SMYD3: variants seen among roughly 807,000 people sequenced by gnomAD.
SMYD3 encodes the protein SET and MYND domain containing 3, also known as histone-lysine N-methyltransferase SMYD3.
A neutral mutation model predicts 57.7 loss-of-function variants in SMYD3; 36 were observed. The ratio of observed to expected loss-of-function variants is 0.62; its 90% CI spans 0.48 to 0.82. The LOEUF (loss-of-function observed/expected upper bound fraction) is 0.82, where lower values mean the gene tolerates loss of function less well. SMYD3 is among the 40% of genes least tolerant of loss of function. The pLI is 0.00. For synonymous variants in SMYD3, 211 were observed against 195.0 expected (o/e 1.08, Z -0.68); for missense variants, 515 against 538.8 (o/e 0.96, Z 0.44).
intron 1 of SMYD3, among the ~76,000 whole-genome samples, chr1:246,445,198 T>C (rs2067534089): frequency 6.6e-6 from 1 of 152,382 alleles, no homozygotes; most frequent in Non-Finnish European, 1.5e-5. Flanking sequence ...AGAGTTTTAC[T>C]TAATAAAATA....
intron 5 of SMYD3, among the ~76,000 whole-genome samples, chr1:245,994,285 A>C (rs1429460855): frequency 1.3e-5 from 2 of 152,112 alleles, no homozygotes; most frequent in Non-Finnish European, 2.9e-5. Flanking sequence ...TATGGTTCTC[A>C]TTATTTACAC....
chr1:246,129,499 CT>C (rs1368776790), intron 5 of SMYD3, among the ~76,000 whole-genome samples: 1 of 152,020 alleles, frequency 6.6e-6, no homozygotes, highest in Non-Finnish European at 1.5e-5. Context: ...GTGAAACTAT[CT>C]TTGAGGGACT....
intron 5 of SMYD3, among the ~76,000 whole-genome samples, chr1:246,041,395 T>C (rs1268002733): frequency 6.6e-6 from 1 of 152,208 alleles, no homozygotes; most frequent in African/African-American, 2.4e-5. Flanking sequence ...AAAATAAAAA[T>C]ACTAATCATC....
At chr1:246,115,246 G>A (rs960278981) in intron 5 of SMYD3, among the ~76,000 whole-genome samples, 2 of 152,340 alleles carry the variant, frequency 1.3e-5, no homozygotes, top group Admixed American at 6.5e-5. Flanking sequence ...AGCTGAAAGA[G>A]TTAGAGGTAA....
At chr1:246,167,884 T>C (rs1053298726) in intron 5 of SMYD3, among the ~76,000 whole-genome samples, 2 of 152,222 alleles carry the variant, frequency 1.3e-5, no homozygotes, top group African/African-American at 2.4e-5. Flanking sequence ...TGTCGGCCAT[T>C]TGTATATCTT....
intron 2 of SMYD3, among the ~76,000 whole-genome samples, chr1:246,348,797 A>AT (rs1372621715): frequency 3.4e-3 from 29 of 8,472 alleles, no homozygotes; most frequent in East Asian, 0.1. Context: ...AATAAAAATA[A>AT]ATTTTTTTCT....
chr1:246,436,803 C>G (rs1034865730), intron 1 of SMYD3, among the ~76,000 whole-genome samples: 2 of 152,156 alleles, frequency 1.3e-5, no homozygotes, highest in East Asian at 1.9e-4. Context: ...TTCACCAGAG[C>G]CCCAAAGGTA....
chr1:246,250,311 A>G (rs2063779590), intron 5 of SMYD3, among the ~76,000 whole-genome samples: 1 of 152,230 alleles, frequency 6.6e-6, no homozygotes, highest in African/African-American at 2.4e-5. Flanking sequence ...CTACCTGAAG[A>G]AAACAGCTGA....
At chr1:245,790,430 T>C (rs939019594) in intron 10 of SMYD3, among the ~76,000 whole-genome samples, 2 of 152,146 alleles carry the variant, frequency 1.3e-5, no homozygotes, top group Non-Finnish European at 2.9e-5. Context: ...ACTGGGGCAC[T>C]AGGTCCAAGT....
chr1:246,280,022 G>A (rs2064411448), intron 5 of SMYD3, among the ~76,000 whole-genome samples: 1 of 152,060 alleles, frequency 6.6e-6, no homozygotes, highest in Non-Finnish European at 1.5e-5. Flanking sequence ...TTAGGATTTG[G>A]GAGCCTAGTC....
At chr1:246,297,517 A>C (rs1558385140) in intron 5 of SMYD3, among the ~76,000 whole-genome samples, 1 of 152,156 alleles carries the variant, frequency 6.6e-6, no homozygotes, top group Admixed American at 6.6e-5. Flanking sequence ...TCAACGAACA[A>C]AGGTAAGTGA....
intron 7 of SMYD3, among the ~76,000 whole-genome samples, chr1:245,924,522 C>G (rs576168667): frequency 2.0e-5 from 3 of 152,188 alleles, no homozygotes; most frequent in Non-Finnish European, 4.4e-5. Context: ...TTCCAGCTCT[C>G]CTTGTGTGAG....
intron 10 of SMYD3, among the ~76,000 whole-genome samples, chr1:245,797,806 C>T (rs1420862991): frequency 7.2e-6 from 1 of 138,208 alleles, no homozygotes. Context: ...CAAGACATGT[C>T]CTCTCAATTG....
At chr1:245,996,099 A>G (rs552932352) in intron 5 of SMYD3, among the ~76,000 whole-genome samples, 1 of 152,382 alleles carries the variant, frequency 6.6e-6, no homozygotes, top group South Asian at 2.1e-4. Flanking sequence ...CGAATGCCCA[A>G]TGGAAGAAAT....
At chr1:245,958,721 A>G (rs971896385) in intron 5 of SMYD3, among the ~76,000 whole-genome samples, 1 of 152,168 alleles carries the variant, frequency 6.6e-6, no homozygotes, top group Admixed American at 6.5e-5. Context: ...CCTACTTTGT[A>G]TCTCTTTCAT....
intron 1 of SMYD3, among the ~76,000 whole-genome samples, chr1:246,405,106 C>G (rs2066840003): frequency 6.6e-6 from 1 of 152,018 alleles, no homozygotes; most frequent in Non-Finnish European, 1.5e-5. Flanking sequence ...TGTGCACGAC[C>G]ACACCTGGCT....
At chr1:246,469,702 A>G (rs1386392508) in intron 1 of SMYD3, among the ~76,000 whole-genome samples, 1 of 152,210 alleles carries the variant, frequency 6.6e-6, no homozygotes, top group African/African-American at 2.4e-5. Flanking sequence ...GAAAATAAAG[A>G]CATAAATGTG....
intron 1 of SMYD3, among the ~76,000 whole-genome samples, chr1:246,394,178 A>G (rs1393138377): frequency 1.3e-5 from 2 of 152,232 alleles, no homozygotes; most frequent in Non-Finnish European, 2.9e-5. Flanking sequence ...TACCTAAAAT[A>G]TTAGGCAAAC....
At chr1:245,988,498 T>C (rs1354490443) in intron 5 of SMYD3, 1 of 152,222 alleles carries the variant, frequency 6.6e-6, no homozygotes, top group Non-Finnish European at 1.5e-5. Flanking sequence ...CCACTTGAAA[T>C]GTAACCATCT....
Sources: gnomAD v4.1 joint callset for allele counts (sites outside exome capture counted in the v4.1 genomes callset) on GRCh38, gnomAD v4.1.1 for gene constraint, MANE v1.5 for transcripts, NCBI Gene and HGNC (gene_info 2026-07-23, HGNC 2026-07-21) for gene names.